The following GATA4 variants were observed in gnomAD, a reference collection of about 807,000 sequenced individuals.
GATA4 encodes the protein transcription factor GATA-4.
A neutral mutation model predicts 37.9 loss-of-function variants in GATA4; 7 were observed. The observed-to-expected ratio is 0.18, with a 90% CI of 0.11 to 0.35. GATA4 has a LOEUF of 0.35. Ranked by LOEUF, GATA4 falls within the 10% of genes least tolerant of loss-of-function variation. GATA4 has a pLI of 1.00. For missense variants in GATA4, 647 were observed against 653.0 expected (o/e 0.99, Z 0.10); for synonymous variants, 372 against 292.6 (o/e 1.27, Z -2.77).
chr8:11,737,139 TC>T (rs34683996), intron 2 of GATA4, among the ~76,000 whole-genome samples: 5,764 of 151,944 alleles, frequency 0.038, 365 homozygotes, highest in African/African-American at 0.13. Context: ...GATTAAGTAA[TC>T]CCCCAGACAC....
rs1337926718 is a variant in GATA4, at chr8:11,729,212, G to GA, written c.617-19696dup. ...CACTCCAGCCTGGGTGACAGAGCAA[G>GA]AAAAAAAAGATCTAGCTGAGGGAGT... On this transcript the variant is annotated intron_variant, in intron 2 of 6. Transcript: ENST00000532059. 2.6e-5 allele frequency among the ~76,000 whole-genome samples: 4 copies of GA among 151,812 alleles called. No homozygotes were observed. The East Asian group carries it at 5.8e-4, about 22-fold the overall frequency.
In GATA4 at chr8:11,708,602, C is replaced by T. The variant is rs1325954118; in HGVS notation, c.290C>T (p.Ala97Val). The T allele has an allele frequency of 2.2e-6, 3 of 1,342,256 alleles. No individual in the cohort carries two copies. The highest frequency in any genetic ancestry group is 3.0e-5 in the African/African-American group (2 of 65,608). 83.1% of individuals were successfully genotyped at this position (1,342,256 alleles called of 1,614,324 possible). A position where few individuals can be genotyped will look rare whatever the true frequency, so the allele number is the denominator to read the frequency against. The change falls in exon 2 of 7, where the codon GCC becomes GTC. Residue 97 changes from alanine to valine, a missense_variant. Physicochemically the swap from Ala to Val is moderately conservative, Grantham distance 64. Coordinates refer to ENST00000532059, the MANE Select transcript of GATA4 (RefSeq NM_001308093.3). This position sits in a 1 kb window ranked among gnomAD's most constrained non-coding sequence, Gnocchi z 6.7. ...PGWSQAGADG[A>V]AYTPPPVSPR... ...TGGAGCCAGGCGGGAGCCGACGGAG[C>T]CGCTTACACCCCGCCGCCGGTGTCG... is the stretch of plus-strand genomic sequence containing the variant.
intron 2 of GATA4, among the ~76,000 whole-genome samples, chr8:11,710,688 CAAAAAAAAA>C (rs57178682): frequency 5.4e-5 from 2 of 37,280 alleles, no homozygotes; most frequent in Non-Finnish European, 4.4e-5. Flanking sequence ...GACTACGTCT[CAAAAAAAAA>C]AAAAAAAAAA....
intron 1 of GATA4, among the ~76,000 whole-genome samples, chr8:11,695,279 G>T (rs912575388): frequency 2.6e-5 from 4 of 152,104 alleles, no homozygotes; most frequent in African/African-American, 9.7e-5. Context: ...GGTGGCACAT[G>T]CCTGTAATCC....
rs1802201893 is a variant in GATA4, at chr8:11,749,744, C to G, written c.787-367C>G. Reference sequence around the variant, plus strand: ...ACCATTTGGACACCGTGATTCCTCACTCTCTGCCTGCCCCCGGCACCTGCA... The same window carrying G: ...ACCATTTGGACACCGTGATTCCTCAGTCTCTGCCTGCCCCCGGCACCTGCA... On this transcript the variant is annotated intron_variant, in intron 3 of 6. Transcript: ENST00000532059. This position sits in a 1 kb window ranked among gnomAD's most constrained non-coding sequence, Gnocchi z 4.6. 6.6e-6 allele frequency among the ~76,000 whole-genome samples: 1 copy of G among 152,240 alleles called. No homozygotes were observed. The highest frequency in any genetic ancestry group is 2.4e-5 in the African/African-American group (1 of 41,470).
At chr8:11,680,843 A>G (rs1355027121) in intron 1 of GATA4, 2 of 985,188 alleles carry the variant, frequency 2.0e-6, no homozygotes, top group African/African-American at 1.7e-5. Context: ...GCAGCAAGAC[A>G]CATAGCGAAG....
upstream of GATA4, among the ~76,000 whole-genome samples, chr8:11,699,736 C>A (rs1004646451): frequency 6.6e-6 from 1 of 152,234 alleles, no homozygotes; most frequent in African/African-American, 2.4e-5. Flanking sequence ...CCTCCCTATT[C>A]AAAAAGGCTA....
chr8:11,715,943 C>T (rs1338711730), intron 2 of GATA4, among the ~76,000 whole-genome samples: 1 of 152,118 alleles, frequency 6.6e-6, no homozygotes, highest in East Asian at 1.9e-4. Context: ...CTCTAGGGAC[C>T]TCACACAAGT....
At chr8:11,715,562 G>A (rs542914229) in intron 2 of GATA4, among the ~76,000 whole-genome samples, 1 of 152,222 alleles carries the variant, frequency 6.6e-6, no homozygotes, top group African/African-American at 2.4e-5. Context: ...CCAATGTGGT[G>A]AAACCCTGTC....
upstream of GATA4, among the ~76,000 whole-genome samples, chr8:11,691,651 C>G (rs750720789): frequency 2.6e-5 from 4 of 152,156 alleles, no homozygotes; most frequent in African/African-American, 4.8e-5. Context: ...CATGGCAGTC[C>G]TCTGGTGGCA....
intron 1 of GATA4, among the ~76,000 whole-genome samples, chr8:11,694,099 C>A (rs974784285): frequency 6.6e-6 from 1 of 152,192 alleles, no homozygotes; most frequent in Non-Finnish European, 1.5e-5. Context: ...TGTCTGCCAG[C>A]GCTCACTCCT....
At chr8:11,724,921 T>C (rs1369598654) in intron 2 of GATA4, among the ~76,000 whole-genome samples, 1 of 152,236 alleles carries the variant, frequency 6.6e-6, no homozygotes, top group Non-Finnish European at 1.5e-5. Flanking sequence ...TGAGCTCCTG[T>C]AGCCACAGTG....
intron 2 of GATA4, among the ~76,000 whole-genome samples, chr8:11,716,233 T>A (rs1333030942): frequency 6.6e-6 from 1 of 152,194 alleles, no homozygotes; most frequent in African/African-American, 2.4e-5. Flanking sequence ...TACCTAATTT[T>A]AAAAACATAT....
rs527276539 is a variant in GATA4 at position 11,679,043 on chromosome 8, G to A, written c.-274+1980G>A. On this transcript the variant is annotated intron_variant, in intron 1 of 6. Transcript: ENST00000528712. Reference sequence around the variant, plus strand: ...TATAGGACAGAAAATTATAGTTTGCGTGTGTAAAGTTCAGAGATATTTTAG... The same window carrying A: ...TATAGGACAGAAAATTATAGTTTGCATGTGTAAAGTTCAGAGATATTTTAG... Among the ~76,000 whole-genome samples the A allele has an allele frequency of 3.9e-5, 6 of 152,266 alleles. No homozygotes were observed. In the South Asian group the frequency reaches 6.2e-4, roughly 16 times the overall value.
intron 2 of GATA4, among the ~76,000 whole-genome samples, chr8:11,723,419 G>C (rs1373756027): frequency 6.6e-6 from 1 of 152,050 alleles, no homozygotes; most frequent in Non-Finnish European, 1.5e-5. Context: ...TTGATGTTCA[G>C]ATTGTCCTAT....
chr8:11,734,958 C>A (rs1440213536), intron 2 of GATA4, among the ~76,000 whole-genome samples: 2 of 152,116 alleles, frequency 1.3e-5, no homozygotes, highest in African/African-American at 4.8e-5. Context: ...AAGAAATGAA[C>A]AAGTAAAATG....
intron 1 of GATA4, among the ~76,000 whole-genome samples, chr8:11,696,801 A>T (rs1342620466): frequency 6.6e-6 from 1 of 152,250 alleles, no homozygotes; most frequent in Non-Finnish European, 1.5e-5. Flanking sequence ...TGCAGCAAAG[A>T]CAGAGTGCTC....
chr8:11,737,572 C>A (rs912015717), intron 2 of GATA4, among the ~76,000 whole-genome samples: 2 of 152,234 alleles, frequency 1.3e-5, no homozygotes, highest in East Asian at 3.9e-4. Flanking sequence ...GACCATATCA[C>A]AGCATTAGAA....
At chr8:11,754,886 T>C (rs1416670216) in intron 4 of GATA4, among the ~76,000 whole-genome samples, 160 bp from the exon 5 acceptor site, 1 of 152,242 alleles carries the variant, frequency 6.6e-6, no homozygotes. Flanking sequence ...ATTGATTTCT[T>C]TCTCGCTGAG....
Sources: allele counts gnomAD v4.1 joint callset (sites outside exome capture counted in the v4.1 genomes callset), GRCh38; gene constraint gnomAD v4.1.1; non-coding constraint Gnocchi (gnomAD v3.1); transcripts MANE v1.5; gene names NCBI Gene and HGNC (gene_info 2026-07-23, HGNC 2026-07-21).